The following TBXAS1 variants were observed in gnomAD, a reference collection of about 807,000 sequenced individuals.
The protein encoded by TBXAS1 is thromboxane-A synthase.
In TBXAS1, 48 loss-of-function variants were observed where a neutral mutation model predicts 60.7. That is an observed-to-expected ratio of 0.79 (90% CI 0.63 to 1.01). The LOEUF is 1.01. Ranked by LOEUF, TBXAS1 falls within the 50% of genes least tolerant of loss-of-function variation. The pLI is 0.00. For missense variants in TBXAS1, 685 were observed against 686.3 expected, an observed-to-expected ratio of 1.00 and a Z score of 0.02; for synonymous variants, 287 against 269.7, an observed-to-expected ratio of 1.06 and a Z score of -0.63.
At chr7:139,836,195 ATGTTC>A (rs1459393159) in intron 1 of TBXAS1, among the ~76,000 whole-genome samples, 3 of 152,222 alleles carry the variant, frequency 2.0e-5, no homozygotes, top group Non-Finnish European at 4.4e-5. Flanking sequence ...AACACATTCC[ATGTTC>A]ATGGATGAGT....
At chr7:139,939,334 A>T (rs147053491) in intron 5 of TBXAS1, among the ~76,000 whole-genome samples, 59 of 129,556 alleles carry the variant, frequency 4.6e-4, no homozygotes, top group African/African-American at 1.6e-3. Context: ...ACTGCACTCT[A>T]GCCTTGGTGA....
chr7:139,824,832 T>TTCTTTC (rs796463817), upstream of TBXAS1, among the ~76,000 whole-genome samples: 1 of 137,526 alleles, frequency 7.3e-6, no homozygotes, highest in African/African-American at 2.9e-5. Context: ...TCCTTTTCTT[T>TTCTTTC]TTTTTTTTTT....
At chr7:139,913,473 C>A (rs1584838897) in intron 4 of TBXAS1, 1 of 307,842 alleles carries the variant, frequency 3.2e-6, no homozygotes, top group Non-Finnish European at 6.3e-6. Context: ...CATGAGACGG[C>A]ACTTGCCAAC....
chr7:139,792,251 C>T (rs762429686), intron 4 of TBXAS1, among the ~76,000 whole-genome samples: 44 of 152,282 alleles, frequency 2.9e-4, no homozygotes, highest in Non-Finnish European at 4.3e-4. Flanking sequence ...AATAGATCAG[C>T]TCATCAGATC....
chr7:139,986,207 G>T (rs765968923), intron 9 of TBXAS1, among the ~76,000 whole-genome samples: 2 of 152,142 alleles, frequency 1.3e-5, no homozygotes, highest in African/African-American at 4.8e-5. Flanking sequence ...CATGGGCCAC[G>T]CTTTTTGCTG....
At chr7:139,990,723 C>T (rs1812828222) in intron 9 of TBXAS1, among the ~76,000 whole-genome samples, 1 of 151,300 alleles carries the variant, frequency 6.6e-6, no homozygotes, top group Non-Finnish European at 1.5e-5. Context: ...CTACCACTCT[C>T]ATCTGGTTGC....
chr7:139,991,921 C>T (rs979454589), intron 9 of TBXAS1, among the ~76,000 whole-genome samples: 4 of 152,238 alleles, frequency 2.6e-5, no homozygotes, highest in African/African-American at 9.6e-5. Flanking sequence ...GGCACCAGAG[C>T]TCGAGGGGAG....
intron 3 of TBXAS1, among the ~76,000 whole-genome samples, chr7:139,878,009 G>A (rs1420265527): frequency 6.6e-6 from 1 of 151,964 alleles, no homozygotes; most frequent in Non-Finnish European, 1.5e-5. Context: ...AGTGTTTCTT[G>A]TACAGATATC....
intron 9 of TBXAS1, among the ~76,000 whole-genome samples, chr7:140,005,938 C>T (rs1375865952): frequency 2.6e-5 from 4 of 152,184 alleles, no homozygotes; most frequent in East Asian, 1.9e-4. Flanking sequence ...TTGCCCATCC[C>T]GGAGCTCACT....
rs114545891 is a variant in TBXAS1, at chr7:139,812,323, G to A, written c.-79-16989G>A. Among the ~76,000 whole-genome samples the A allele has an allele frequency of 3.0e-3, 461 of 152,276 alleles. 2 individuals are homozygous for A. Among genetic ancestry groups the A allele is most frequent in the African/African-American group, 0.01 (432 of 41,560 alleles). ...CCCACAATGTTGGGGTGAACTCCTC[G>A]GTGACAGATGAAGAAACAAACACTC... On this transcript the variant is annotated intron_variant, in intron 4 of 16. Coordinates refer to the TBXAS1 transcript ENST00000336425.
chr7:139,821,716 C>T (rs1298558801), intron 4 of TBXAS1, among the ~76,000 whole-genome samples: 1 of 152,222 alleles, frequency 6.6e-6, no homozygotes, highest in East Asian at 1.9e-4. Flanking sequence ...CTAGCCAGTC[C>T]AAACCCGAGT....
intron 1 of TBXAS1, among the ~76,000 whole-genome samples, chr7:139,842,375 G>A (rs7785246): frequency 6.6e-6 from 1 of 152,020 alleles, no homozygotes; most frequent in East Asian, 1.9e-4. Context: ...GACTCTCCCA[G>A]AAATAAAATG....
At chr7:139,925,793 C>A (rs1806835234) in intron 4 of TBXAS1, among the ~76,000 whole-genome samples, 3 of 152,068 alleles carry the variant, frequency 2.0e-5, no homozygotes, top group Non-Finnish European at 4.4e-5. Context: ...TTGTAAATGG[C>A]TTTTATGTTG....
At chr7:140,011,802 A>G (rs1342648482) in intron 10 of TBXAS1, among the ~76,000 whole-genome samples, 3 of 152,004 alleles carry the variant, frequency 2.0e-5, no homozygotes, top group Non-Finnish European at 1.5e-5. Context: ...AGAACTGCAC[A>G]CTGAAAAATG....
At position 139,886,533 on chromosome 7, in the gene TBXAS1, C is replaced by A. The variant is rs911143051; in HGVS notation, c.236+10896C>A. ...TCTTTTTTGTTAAAACACCCCCCAG[C>A]ACCTCTTGATACTACTTGGCCTACT... On this transcript the variant is annotated intron_variant, in intron 3 of 12. Transcript: ENST00000448866. Among the ~76,000 whole-genome samples the A allele has an allele frequency of 3.3e-5, 5 of 151,986 alleles. No individual in the cohort carries two copies. The South Asian group carries it at 8.3e-4, about 25-fold the overall frequency.
upstream of TBXAS1, among the ~76,000 whole-genome samples, chr7:139,824,606 A>G (rs1798386518): frequency 6.6e-6 from 1 of 152,210 alleles, no homozygotes; most frequent in African/African-American, 2.4e-5. Flanking sequence ...CATATTCATT[A>G]TACAATAAGT....
At chr7:140,010,440 T>C (rs1378983274) in intron 10 of TBXAS1, among the ~76,000 whole-genome samples, 1 of 152,202 alleles carries the variant, frequency 6.6e-6, no homozygotes, top group Non-Finnish European at 1.5e-5. Context: ...TGCGGTGCAG[T>C]TCTGAAGCTT....
intron 4 of TBXAS1, among the ~76,000 whole-genome samples, chr7:139,810,065 C>G (rs1205647230): frequency 1.3e-5 from 2 of 150,884 alleles, no homozygotes; most frequent in Non-Finnish European, 2.9e-5. Context: ...GAGACAGGGT[C>G]TCGCTCTGTC....
intron 4 of TBXAS1, among the ~76,000 whole-genome samples, chr7:139,796,277 G>C (rs905952073): frequency 2.6e-5 from 4 of 152,116 alleles, no homozygotes; most frequent in African/African-American, 7.2e-5. Context: ...AACCAACTAG[G>C]GTTCATCTAT....
Sources: allele counts gnomAD v4.1 joint callset (sites outside exome capture counted in the v4.1 genomes callset), GRCh38; gene constraint gnomAD v4.1.1; transcripts MANE v1.5; gene names NCBI Gene and HGNC (gene_info 2026-07-23, HGNC 2026-07-21).